UXS1: variants seen among roughly 807,000 people sequenced by gnomAD.
UXS1 encodes UDP-glucuronic acid decarboxylase 1.
UXS1 carries 33 observed loss-of-function variants against 62.6 expected under a neutral mutation model. The ratio of observed to expected loss-of-function variants is 0.53; its 90% confidence interval spans 0.40 to 0.70. The LOEUF (loss-of-function observed/expected upper bound fraction) is 0.70. Among genes scored for constraint, UXS1 ranks in the 30% least tolerant of loss-of-function variants. UXS1 has a pLI of 0.00. For missense variants in UXS1, 434 were observed against 556.3 expected, an observed-to-expected ratio of 0.78 and a Z score of 2.21; for synonymous variants, 213 against 206.8, an observed-to-expected ratio of 1.03 and a Z score of -0.26.
intron 2 of UXS1, 63 bp from the exon 3 acceptor site, chr2:106,164,862 C>A: frequency 7.8e-7 from 1 of 1,277,078 alleles, no homozygotes; most frequent in East Asian, 2.5e-5. Flanking sequence ...ATAAATTACC[C>A]TAACATAACC....
chr2:106,193,607 G>A (rs1300460134), intron 1 of UXS1, among the ~76,000 whole-genome samples: 1 of 152,114 alleles, frequency 6.6e-6, no homozygotes, highest in African/African-American at 2.4e-5. Context: ...CCGACACCTG[G>A]GCACGGCCGC....
chr2:106,159,580 T>C (rs1682730290), intron 4 of UXS1, among the ~76,000 whole-genome samples: 1 of 152,302 alleles, frequency 6.6e-6, no homozygotes, highest in Non-Finnish European at 1.5e-5. Context: ...ACTGAAATAT[T>C]CATTTTAAAA....
At chr2:106,153,292 G>C (rs1682176811) in intron 5 of UXS1, among the ~76,000 whole-genome samples, 2 of 152,304 alleles carry the variant, frequency 1.3e-5, no homozygotes, top group Non-Finnish European at 2.9e-5. Context: ...CAGCATTGTT[G>C]AAAAATAAAG....
Position 106,187,742 on chromosome 2 carries a change from CT to C in UXS1, c.94+6405del, listed in dbSNP as rs1342715749. Among the ~76,000 whole-genome samples, 1,239 of 139,380 alleles carry C rather than the reference CT, an allele frequency of 8.9e-3. 3 individuals carry two copies. Among genetic ancestry groups the C allele is most frequent in the Middle Eastern group, 0.015 (4 of 262 alleles). The allele number at this position is 139,380 out of a possible 152,430, so 91.4% of individuals were successfully genotyped here. On this transcript the variant is annotated intron_variant, in intron 1 of 14. Coordinates refer to ENST00000283148, the MANE Select transcript of UXS1 (RefSeq NM_001253875.2). ...GTCACAATGTCACAACTGTAATTTC[CT>C]TTTTTTTTTTTTTTTGAGATGGAGT...
chr2:106,119,449 C>T (rs755278455), intron 9 of UXS1, among the ~76,000 whole-genome samples: 5 of 152,236 alleles, frequency 3.3e-5, no homozygotes, highest in East Asian at 1.9e-4. Flanking sequence ...GAGGGGGCTG[C>T]GGGGAATTAA....
chr2:106,155,337 C>T (rs1558733171), intron 5 of UXS1, among the ~76,000 whole-genome samples: 1 of 152,150 alleles, frequency 6.6e-6, no homozygotes, highest in Admixed American at 6.5e-5. Context: ...AGACCTACCA[C>T]ACAAGAAATA....
chr2:106,189,430 G>A (rs1479324546), intron 1 of UXS1, among the ~76,000 whole-genome samples: 2 of 152,196 alleles, frequency 1.3e-5, no homozygotes, highest in Non-Finnish European at 2.9e-5. Flanking sequence ...TGCAAGCTGA[G>A]TATCATCATT....
rs1991 is a variant in UXS1, at chr2:106,094,084, T to C, written c.1220A>G (p.Gln407Arg). The change falls in exon 15 of 15, where the codon CAG becomes CGG. Residue 407 changes from glutamine (Q) to arginine (R), a missense_variant. Coordinates refer to ENST00000283148, the MANE Select transcript of UXS1 (RefSeq NM_001253875.2). ...RKELEYQANN[Q>R]YIPKPKPARI... is the part of the protein sequence containing the mutation. ...GGCAGGCTTTGGTTTGGGGATGTAC[T>C]GATTATTTGCCTGGTACTCGAGTTC... 1.9e-6 allele frequency: 3 copies of C among 1,613,518 alleles called. No individual in the cohort carries two copies. Among genetic ancestry groups the C allele is most frequent in the Non-Finnish European group, 8.5e-7 (1 of 1,179,820 alleles).
Position 106,123,001 on chromosome 2 carries a change from G to A in UXS1, c.728C>T (p.Ala243Val). 6.2e-7 allele frequency: 1 copy of A among 1,613,956 alleles called. No individual in the cohort carries two copies. The highest frequency in any genetic ancestry group is 8.5e-7 in the Non-Finnish European group (1 of 1,179,862). Residue 243 changes from alanine (A) to valine (V), a missense_variant, in exon 9 of 15, where the codon GCA (alanine) becomes GTA (valine). Around this residue, in one of 3 missense-constraint regions of UXS1, gnomAD observed 134 missense variants for 251.9 expected, o/e 0.53. Coordinates refer to ENST00000283148, the MANE Select transcript of UXS1 (RefSeq NM_001253875.2). ...RACYDEGKRV[A>V]ETMCYAYMKQ... is the part of the protein sequence containing the mutation. Reference sequence around the variant, plus strand: ...CATGTAGGCATAGCACATGGTCTCTGCAACACGTTTGCCTTCATCGTAGCA... The same window carrying A: ...CATGTAGGCATAGCACATGGTCTCTACAACACGTTTGCCTTCATCGTAGCA...
At chr2:106,096,964 G>A (rs902514646) in intron 13 of UXS1, 143 bp from the exon 14 acceptor site, 14 of 836,244 alleles carry the variant, frequency 1.7e-5, no homozygotes, top group African/African-American at 3.4e-5. Context: ...GAGAAGCCCC[G>A]GAGCTCCCGA....
At chr2:106,193,157 C>T (rs1685038419) in intron 1 of UXS1, among the ~76,000 whole-genome samples, 1 of 152,098 alleles carries the variant, frequency 6.6e-6, no homozygotes, top group Non-Finnish European at 1.5e-5. Context: ...CTTCCTAGAG[C>T]TCAACTGAAG....
intron 1 of UXS1, among the ~76,000 whole-genome samples, chr2:106,189,690 T>C (rs1257682669): frequency 6.6e-6 from 1 of 152,196 alleles, no homozygotes; most frequent in Non-Finnish European, 1.5e-5. Context: ...GAAAGGAAGA[T>C]GCTACAATCT....
chr2:106,099,076 C>T (rs1399008232), intron 12 of UXS1, among the ~76,000 whole-genome samples: 5 of 152,234 alleles, frequency 3.3e-5, no homozygotes, highest in African/African-American at 1.2e-4. Context: ...ATTTCCATAT[C>T]TAACATAACT....
Position 106,094,140 on chromosome 2 carries a change from A to G in UXS1, c.1164T>C (p.Gly388=). ...GGAAGTAGTGAATTGCTTTGTTTAA[A>G]CCTTCCTCCAGCGGGACCTGTTTAA... ...GWEPVVPLEE[G]LNKAIHYFRK... The change falls in exon 15 of 15, where the codon GGT becomes GGC. Residue 388 remains glycine, a synonymous_variant. Coordinates refer to ENST00000283148, the MANE Select transcript of UXS1 (RefSeq NM_001253875.2). The G allele has an allele frequency of 6.2e-7, 1 of 1,610,922 alleles. No homozygotes were observed. Among genetic ancestry groups the G allele is most frequent in the Non-Finnish European group, 8.5e-7 (1 of 1,179,474 alleles).
rs151100954 is a variant in UXS1 at position 106,168,393 on chromosome 2, A to G, written c.95-2310T>C. On this transcript the variant is annotated intron_variant, in intron 1 of 14. Coordinates refer to ENST00000283148, the MANE Select transcript of UXS1 (RefSeq NM_001253875.2). Reference sequence around the variant, plus strand: ...GAATAATCCACCCCTTGCTTAGCATATCATCAAGAAATAACCATAAAAATG... The same window carrying G: ...GAATAATCCACCCCTTGCTTAGCATGTCATCAAGAAATAACCATAAAAATG... Among the ~76,000 whole-genome samples the G allele has an allele frequency of 5.3e-3, 803 of 152,322 alleles. 8 individuals are homozygous for G. The highest frequency in any genetic ancestry group is 0.017 in the African/African-American group (721 of 41,582).
chr2:106,139,245 C>T (rs1680900556), intron 6 of UXS1, among the ~76,000 whole-genome samples: 1 of 152,154 alleles, frequency 6.6e-6, no homozygotes, highest in South Asian at 2.1e-4. Context: ...CTGCCACGAC[C>T]TTTCACATTT....
intron 9 of UXS1, among the ~76,000 whole-genome samples, chr2:106,119,319 G>T (rs1679328960): frequency 6.6e-6 from 1 of 152,148 alleles, no homozygotes; most frequent in African/African-American, 2.4e-5. Flanking sequence ...GGAGTGTGGG[G>T]AGGAGCAGGC....
intron 2 of UXS1, among the ~76,000 whole-genome samples, chr2:106,165,341 C>A (rs1032767217): frequency 6.6e-6 from 1 of 152,142 alleles, no homozygotes. Flanking sequence ...GGCATAGTAA[C>A]CTTTTACCCT....
chr2:106,182,589 A>C (rs1684314913), intron 1 of UXS1, among the ~76,000 whole-genome samples: 1 of 152,086 alleles, frequency 6.6e-6, no homozygotes, highest in Non-Finnish European at 1.5e-5. Context: ...TGAGAGAGGG[A>C]TCTAGGAGGA....
Sources: allele counts gnomAD v4.1 joint callset (sites outside exome capture counted in the v4.1 genomes callset), GRCh38; gene constraint gnomAD v4.1.1; regional missense constraint gnomAD v4.1.1; transcripts MANE v1.5; gene names NCBI Gene and HGNC (gene_info 2026-07-23, HGNC 2026-07-21).